Variants in SLC9A5 observed in about 807,000 individuals in gnomAD.
The protein encoded by SLC9A5 is sodium/hydrogen exchanger 5.
SLC9A5 carries 52 observed loss-of-function variants against 91.7 expected under a neutral mutation model. The ratio of observed to expected loss-of-function variants is 0.57; its 90% CI spans 0.45 to 0.71. The LOEUF is 0.71. Among genes scored for constraint, SLC9A5 ranks in the 30% least tolerant of loss-of-function variants. The pLI is 0.00. For synonymous variants in SLC9A5, 419 were observed against 474.5 expected, an observed-to-expected ratio of 0.88 and a Z score of 1.52; for missense variants, 871 against 1,158.9, an observed-to-expected ratio of 0.75 and a Z score of 3.61.
In SLC9A5 at chr16:67,257,045, A is replaced by G. The variant is rs1223342917; in HGVS notation, c.1267A>G (p.Lys423Glu). The change falls in exon 7 of 16, where the codon AAG becomes GAG. Residue 423 changes from lysine to glutamate, a missense_variant. Lys to Glu is a moderately conservative substitution (Grantham distance 56). Coordinates refer to ENST00000299798, the MANE Select transcript of SLC9A5 (RefSeq NM_004594.3). The surrounding 1 kb of genome is among the most constrained non-coding windows in gnomAD (Gnocchi z 5.1). ...FALVILLDRTKVPAKDYFVAT... is the reference protein window; with the variant it reads ...FALVILLDRTEVPAKDYFVAT... ...TCTCGTCATCCTACTGGATAGGACC[A>G]AGGTCCCTGCCAAGGACTACTTTGT... is the stretch of plus-strand genomic sequence containing the variant. 6.2e-7 allele frequency: 1 copy of G among 1,613,568 alleles called. No homozygotes were observed. Among genetic ancestry groups the G allele is most frequent in the Non-Finnish European group, 8.5e-7 (1 of 1,180,024 alleles).
Position 67,256,447 on chromosome 16 carries a change from A to G in SLC9A5, c.912-22A>G, listed in dbSNP as rs910679172. The G allele has an allele frequency of 1.3e-6, 2 of 1,573,740 alleles. No homozygotes were observed. The highest frequency in any genetic ancestry group is 2.7e-5 in the African/African-American group (2 of 74,286). ...CCCCTGGAACCCTTCCCCACTTGCC[A>G]TGTCTCTCCATCCTCTCCCAGGGTG... On this transcript the variant is annotated intron_variant, in intron 5 of 15. Transcript: ENST00000299798. The surrounding 1 kb of genome is among the most constrained non-coding windows in gnomAD (Gnocchi z 4.1).
At chr16:67,262,382 CAG>C (rs1158203383) in intron 12 of SLC9A5, 1 of 408,742 alleles carries the variant, frequency 2.4e-6, no homozygotes, top group Non-Finnish European at 5.0e-6. Flanking sequence ...TAGAGAGAGA[CAG>C]AGATATCTAG....
chr16:67,262,276 C>T (rs747953497), intron 12 of SLC9A5: 18 of 457,300 alleles, frequency 3.9e-5, no homozygotes, highest in South Asian at 1.7e-4. Context: ...TGACATGGAT[C>T]AAGCATTTTT....
Position 67,252,365 on chromosome 16 carries a change from A to T in SLC9A5, c.188-177A>T, listed in dbSNP as rs547944939. 1.3e-5 allele frequency among the ~76,000 whole-genome samples: 2 copies of T among 151,954 alleles called. No homozygotes were observed. ...CTCAGGAGGCTGAGGCAGGAGAATCACTTGAACCCGGGAGGTGAAGGTTGC... is the reference window on the plus strand; with the variant it reads ...CTCAGGAGGCTGAGGCAGGAGAATCTCTTGAACCCGGGAGGTGAAGGTTGC... On this transcript the variant is annotated intron_variant, in intron 1 of 15. Transcript: ENST00000299798. The surrounding 1 kb of genome is among the most constrained non-coding windows in gnomAD (Gnocchi z 4.0).
At chr16:67,254,930 C>T (rs2035253366) in intron 2 of SLC9A5, 91 bp from the exon 3 acceptor site, 10 of 1,289,660 alleles carry the variant, frequency 7.8e-6, no homozygotes, top group Non-Finnish European at 1.1e-5. Flanking sequence ...CTGTTATCAG[C>T]AGGGGTGGGG....
intron 10 of SLC9A5, among the ~76,000 whole-genome samples, chr16:67,259,236 C>T (rs967333763): frequency 1.4e-5 from 2 of 144,866 alleles, no homozygotes; most frequent in Non-Finnish European, 1.5e-5. Flanking sequence ...CATTGCACTC[C>T]AGCCTATGTG....
At chr16:67,259,264 C>CT (rs2035433145) in intron 10 of SLC9A5, among the ~76,000 whole-genome samples, 1 of 118,588 alleles carries the variant, frequency 8.4e-6, no homozygotes, top group African/African-American at 3.5e-5. Flanking sequence ...AAGACTGTGT[C>CT]TCAAAAAAAA....
intron 15 of SLC9A5, among the ~76,000 whole-genome samples, chr16:67,268,549 A>G (rs1233165336): frequency 6.7e-6 from 1 of 149,314 alleles, no homozygotes; most frequent in African/African-American, 2.5e-5. Flanking sequence ...GCAACAGAAC[A>G]ACACTCTGTC....
intron 12 of SLC9A5, among the ~76,000 whole-genome samples, chr16:67,260,310 TCAC>T (rs1310368556): frequency 1.6e-5 from 2 of 125,602 alleles, no homozygotes; most frequent in Non-Finnish European, 3.1e-5. Flanking sequence ...AGCTGAGGTC[TCAC>T]CACTGCACTC....
rs913439815 is a variant in SLC9A5 at position 67,258,249 on chromosome 16, G to A, written c.1497-69G>A. 2.5e-5 allele frequency: 39 copies of A among 1,570,644 alleles called. No individual in the cohort carries two copies. The highest frequency in any genetic ancestry group is 1.8e-4 in the Admixed American group (11 of 59,682). On this transcript the variant is annotated intron_variant, in intron 9 of 15. Coordinates refer to ENST00000299798, the MANE Select transcript of SLC9A5 (RefSeq NM_004594.3). The surrounding 1 kb of genome is among the most constrained non-coding windows in gnomAD (Gnocchi z 4.5). Reference sequence around the variant, plus strand: ...CCAGTGCTGACGGTGTCCTTGCCCCGTCTGAGGAAGGGCCACCTGGCCAGG... The same window carrying A: ...CCAGTGCTGACGGTGTCCTTGCCCCATCTGAGGAAGGGCCACCTGGCCAGG...
Position 67,255,023 on chromosome 16 carries a change from C to T in SLC9A5, c.493C>T (p.Pro165Ser). ...GTCCTACACATGTCCCTTAATAGCC[C>T]CTAGGGTGCAGGCTGGCTTACTGGA... ...WGLQQAGLVA[P>S]RVQAGLLDFL... The change falls in exon 3 of 16, where the codon CCT becomes TCT. Residue 165 changes from proline to serine, a missense_variant and splice_region_variant. By Grantham distance (74) the Pro-to-Ser change is moderately conservative. Around this residue, in one of 3 missense-constraint regions of SLC9A5, gnomAD observed 454 missense variants for 718.3 expected, o/e 0.63. Coordinates refer to ENST00000299798, the MANE Select transcript of SLC9A5 (RefSeq NM_004594.3). This position sits in a 1 kb window ranked among gnomAD's most constrained non-coding sequence, Gnocchi z 4.9. 6.2e-7 allele frequency: 1 copy of T among 1,613,524 alleles called. No homozygotes were observed. The highest frequency in any genetic ancestry group is 8.5e-7 in the Non-Finnish European group (1 of 1,179,734).
intron 15 of SLC9A5, among the ~76,000 whole-genome samples, chr16:67,267,867 G>A (rs1477686397): frequency 6.6e-6 from 1 of 152,044 alleles, no homozygotes; most frequent in Non-Finnish European, 1.5e-5. Flanking sequence ...CCATTATCCA[G>A]CTTCAATAAT....
Position 67,258,533 on chromosome 16 carries a change from C to T in SLC9A5, c.1626+86C>T, listed in dbSNP as rs1752487489. The T allele has an allele frequency of 2.0e-6, 3 of 1,519,652 alleles. No homozygotes were observed. The Admixed American group carries it at 5.1e-5, about 26-fold the overall frequency. The allele number at this position is 1,519,652 out of a possible 1,614,324, so 94.1% of individuals were successfully genotyped here. On this transcript the variant is annotated intron_variant, in intron 10 of 15. Transcript: ENST00000299798. This position sits in a 1 kb window ranked among gnomAD's most constrained non-coding sequence, Gnocchi z 4.5. ...CAGAAAGGGGTGGCAAGCAGGCTGG[C>T]CCTGAGCAGGGAGTTGGGAATTCCT...
rs774940180 is a variant in SLC9A5 at position 67,271,300 on chromosome 16, C to A, written c.*90C>A. 95 of 1,156,776 alleles carry A rather than the reference C, an allele frequency of 8.2e-5. No homozygotes were observed. Among genetic ancestry groups the A allele is most frequent in the Admixed American group, 1.4e-4 (7 of 49,156 alleles). The allele number at this position is 1,156,776 out of a possible 1,614,324, so 71.7% of individuals were successfully genotyped here. A position where few individuals can be genotyped will look rare whatever the true frequency, so the allele number is the denominator to read the frequency against. On this transcript the variant is annotated 3_prime_UTR_variant, in exon 16 of 16. Coordinates refer to ENST00000299798, the MANE Select transcript of SLC9A5 (RefSeq NM_004594.3). ...AGAGCCCTCGAAACTTGACATGGGG[C>A]CAGAAGGGCCTGGGTTGAAGTAGTA...
chr16:67,261,927 G>GGTGTGTGT (rs56311190), intron 12 of SLC9A5: 89,979 of 151,610 alleles, frequency 0.59, 27,482 homozygotes, highest in East Asian at 0.82. Context: ...GATTTGGTGA[G>GGTGTGTGT]GTGTGTGTGT....
In SLC9A5 at chr16:67,259,653, C is replaced by A; in HGVS notation, c.1707C>A (p.Thr569=). The A allele has an allele frequency of 6.2e-7, 1 of 1,613,934 alleles. No individual in the cohort carries two copies. Among genetic ancestry groups the A allele is most frequent in the Non-Finnish European group, 8.5e-7 (1 of 1,179,830 alleles). ...SRNSVAETSV[T]NLLRESGSGA... ...ATTCTGTGGCAGAAACTTCTGTCACCAACCTGCTGTGAGTCCTTGAGCCCC... is the reference window on the plus strand; with the variant it reads ...ATTCTGTGGCAGAAACTTCTGTCACAAACCTGCTGTGAGTCCTTGAGCCCC... The change falls in exon 11 of 16, where the codon ACC becomes ACA. Residue 569 remains threonine (T), a synonymous_variant. Coordinates refer to ENST00000299798, the MANE Select transcript of SLC9A5 (RefSeq NM_004594.3).
At position 67,255,516 on chromosome 16, in the gene SLC9A5, C is replaced by A; in HGVS notation, c.733+45C>A. 2 of 1,583,862 alleles carry A rather than the reference C, an allele frequency of 1.3e-6. No individual in the cohort carries two copies. Among genetic ancestry groups the A allele is most frequent in the South Asian group, 1.1e-5 (1 of 90,530 alleles). On this transcript the variant is annotated intron_variant, in intron 4 of 15. Coordinates refer to ENST00000299798, the MANE Select transcript of SLC9A5 (RefSeq NM_004594.3). This position sits in a 1 kb window ranked among gnomAD's most constrained non-coding sequence, Gnocchi z 4.9. ...CAGCTGGCATTGGAGGTCTGCCTCC[C>A]CTGGGTTGCTGAGGCCCTCCCACCC...
chr16:67,258,295 G>T lies in SLC9A5; in HGVS notation c.1497-23G>T. 2 of 1,612,520 alleles carry T rather than the reference G, an allele frequency of 1.2e-6. No homozygotes were observed. Among genetic ancestry groups the T allele is most frequent in the East Asian group, 2.2e-5 (1 of 44,880 alleles). ...CCAGGCCTTGGGAATGGGACTCAGG[G>T]CCGGGCCTGGCATCCTCTGTAGGTG... On this transcript the variant is annotated intron_variant, in intron 9 of 15. Transcript: ENST00000299798. The surrounding 1 kb of genome is among the most constrained non-coding windows in gnomAD (Gnocchi z 4.5).
chr16:67,264,288 C>T, intron 12 of SLC9A5, 64 bp from the exon 13 acceptor site: 1 of 1,462,816 alleles, frequency 6.8e-7, no homozygotes, highest in East Asian at 2.3e-5. Context: ...GGGGCTGTGG[C>T]CTGGGGTTCT....
Sources: allele counts gnomAD v4.1 joint callset (sites outside exome capture counted in the v4.1 genomes callset), GRCh38; gene constraint gnomAD v4.1.1; regional missense constraint gnomAD v4.1.1; non-coding constraint Gnocchi (gnomAD v3.1); transcripts MANE v1.5; gene names NCBI Gene and HGNC (gene_info 2026-07-23, HGNC 2026-07-21).